CLVS1: variants seen among roughly 807,000 people sequenced by gnomAD.
CLVS1 encodes clavesin 1, also known as clavesin-1.
In CLVS1, 10 loss-of-function variants were observed where a neutral mutation model predicts 33.1. That is an observed-to-expected ratio of 0.30 (90% CI 0.19 to 0.51). The LOEUF is 0.51. Ranked by LOEUF, CLVS1 falls within the 20% of genes least tolerant of loss-of-function variation. The probability of loss-of-function intolerance (pLI) is 0.97; values close to 1 mark genes in which losing one functional copy is unlikely to be tolerated. For missense variants in CLVS1, 343 were observed against 433.4 expected (o/e 0.79, Z 1.85); for synonymous variants, 163 against 166.1 (o/e 0.98, Z 0.14).
chr8:61,401,929 T>C (rs1814780617), intron 3 of CLVS1, among the ~76,000 whole-genome samples: 1 of 152,158 alleles, frequency 6.6e-6, no homozygotes, highest in African/African-American at 2.4e-5. Flanking sequence ...ATAATGCACA[T>C]ATTTTCATGC....
chr8:61,485,136 C>T (rs1803825867), intron 5 of CLVS1, among the ~76,000 whole-genome samples: 1 of 151,918 alleles, frequency 6.6e-6, no homozygotes. Context: ...GCAAAAGAAA[C>T]TACCATCAGA....
chr8:61,402,090 A>C (rs1309487582), intron 3 of CLVS1, among the ~76,000 whole-genome samples: 7 of 150,134 alleles, frequency 4.7e-5, no homozygotes, highest in Non-Finnish European at 7.5e-5. Flanking sequence ...GGACAGACAG[A>C]TGGATGAATG....
chr8:61,398,824 A>T (rs1390973758), intron 3 of CLVS1, among the ~76,000 whole-genome samples: 2 of 152,126 alleles, frequency 1.3e-5, no homozygotes, highest in Non-Finnish European at 2.9e-5. Flanking sequence ...TTCTTGTGTT[A>T]GTTTGCTGAG....
intron 2 of CLVS1, among the ~76,000 whole-genome samples, chr8:61,321,354 A>G (rs1187764019): frequency 6.6e-6 from 1 of 151,774 alleles, no homozygotes; most frequent in Non-Finnish European, 1.5e-5. Context: ...GGAGTCTGAG[A>G]ACAACCTGAT....
chr8:61,424,154 T>C (rs1429645441), intron 3 of CLVS1, among the ~76,000 whole-genome samples: 1 of 152,222 alleles, frequency 6.6e-6, no homozygotes, highest in African/African-American at 2.4e-5. Flanking sequence ...TTCCCAAAGT[T>C]GTCCACTATA....
intron 2 of CLVS1, among the ~76,000 whole-genome samples, chr8:61,204,009 T>C (rs1056545223): frequency 6.6e-6 from 1 of 152,226 alleles, no homozygotes; most frequent in Non-Finnish European, 1.5e-5. Flanking sequence ...ATGTAGAAGA[T>C]ATTGGCCCAT....
intron 2 of CLVS1, among the ~76,000 whole-genome samples, chr8:61,144,399 G>T (rs1486366904): frequency 6.6e-6 from 1 of 152,120 alleles, no homozygotes; most frequent in Non-Finnish European, 1.5e-5. Context: ...TTTTATGGCT[G>T]TATAGTATTC....
At chr8:61,105,387 G>C (rs928136222) in intron 1 of CLVS1, among the ~76,000 whole-genome samples, 1 of 152,096 alleles carries the variant, frequency 6.6e-6, no homozygotes, top group Non-Finnish European at 1.5e-5. Flanking sequence ...TCTGACCCCA[G>C]GTTCTTTCTT....
chr8:61,025,844 G>A, the CLVS1 span, among the ~76,000 whole-genome samples: 5 of 152,242 alleles, frequency 3.3e-5, no homozygotes, highest in East Asian at 9.6e-4. Context: ...ACAATAATTT[G>A]TTTGGTGGTT....
At chr8:61,066,555 C>T (rs752737362) in intron 1 of CLVS1, among the ~76,000 whole-genome samples, 1 of 152,104 alleles carries the variant, frequency 6.6e-6, no homozygotes. Context: ...ATGGCTTTTC[C>T]GTTTGCTCCT....
chr8:61,398,920 A>G (rs1585914793), intron 3 of CLVS1, among the ~76,000 whole-genome samples: 1 of 152,326 alleles, frequency 6.6e-6, no homozygotes, highest in East Asian at 1.9e-4. Flanking sequence ...CATGGTGCAT[A>G]TGTACTACAT....
At chr8:61,297,589 C>A (rs957384641) in intron 1 of CLVS1, among the ~76,000 whole-genome samples, 1 of 152,040 alleles carries the variant, frequency 6.6e-6, no homozygotes, top group African/African-American at 2.4e-5. Context: ...TTGAACAGAT[C>A]GAGTTTGTGT....
At chr8:61,448,079 T>C (rs571543255) in intron 3 of CLVS1, among the ~76,000 whole-genome samples, 49 of 152,250 alleles carry the variant, frequency 3.2e-4, no homozygotes, top group Admixed American at 7.8e-4. Flanking sequence ...TACATCTTCT[T>C]CTGGCTTCCA....
At chr8:61,432,797 A>G (rs1010064477) in intron 3 of CLVS1, among the ~76,000 whole-genome samples, 4 of 152,216 alleles carry the variant, frequency 2.6e-5, no homozygotes, top group Non-Finnish European at 4.4e-5. Context: ...ATCAATTCAG[A>G]GGTTTATTCT....
chr8:61,117,397 T>G (rs1018095548), intron 1 of CLVS1, among the ~76,000 whole-genome samples: 2 of 151,948 alleles, frequency 1.3e-5, no homozygotes, highest in African/African-American at 4.8e-5. Context: ...GGCCAGAACT[T>G]TCAACACTAT....
intron 2 of CLVS1, among the ~76,000 whole-genome samples, chr8:61,243,006 T>A (rs1808729415): frequency 6.6e-6 from 1 of 152,214 alleles, no homozygotes; most frequent in South Asian, 2.1e-4. Context: ...TTCATTTTCC[T>A]TGCTTTTCTC....
At chr8:61,357,494 C>CTTTTTTTTTTTT (rs1167743712) in intron 2 of CLVS1, among the ~76,000 whole-genome samples, 418 of 25,776 alleles carry the variant, frequency 0.016, 25 homozygotes, top group Non-Finnish European at 0.023. Context: ...TTTTTCTTTT[C>CTTTTTTTTTTTT]TTTTTTTTTT....
chr8:61,261,083 C>T (rs927280691), intron 2 of CLVS1, among the ~76,000 whole-genome samples: 1 of 152,130 alleles, frequency 6.6e-6, no homozygotes, highest in African/African-American at 2.4e-5. Flanking sequence ...CTTTACCTGT[C>T]ATCAAAGAAT....
upstream of CLVS1, among the ~76,000 whole-genome samples, chr8:61,283,216 A>T (rs1325281318): frequency 6.6e-6 from 1 of 152,210 alleles, no homozygotes; most frequent in Non-Finnish European, 1.5e-5. Flanking sequence ...TCATTTTGAT[A>T]ACAGTGGTTA....
Sources: allele counts gnomAD v4.1 joint callset (sites outside exome capture counted in the v4.1 genomes callset), GRCh38; gene constraint gnomAD v4.1.1; transcripts MANE v1.5; gene names NCBI Gene and HGNC (gene_info 2026-07-23, HGNC 2026-07-21).